The following CEP126 variants were observed in gnomAD, a reference collection of about 807,000 sequenced individuals.
CEP126 encodes centrosomal protein of 126 kDa.
A neutral mutation model predicts 107.8 loss-of-function variants in CEP126; 74 were observed. The observed-to-expected ratio is 0.69, with a 90% CI of 0.57 to 0.83. The LOEUF (loss-of-function observed/expected upper bound fraction) is 0.83, where lower values mean the gene tolerates loss of function less well. Among genes scored for constraint, CEP126 ranks in the 40% least tolerant of loss-of-function variants. The pLI, the probability that CEP126 is intolerant of heterozygous loss-of-function variation, is 0.00. For missense variants in CEP126, 1,237 were observed against 1,281.9 expected, an observed-to-expected ratio of 0.96 and a Z score of 0.53; for synonymous variants, 449 against 446.0, an observed-to-expected ratio of 1.01 and a Z score of -0.08.
At position 101,963,847 on chromosome 11, in the gene CEP126, C is replaced by G; in HGVS notation, c.2812C>G (p.Pro938Ala). Residue 938 changes from proline to alanine, a missense_variant, in exon 6 of 11, where the codon CCT becomes GCT. Physicochemically the swap from Pro to Ala is conservative, Grantham distance 27 (BLOSUM62 -1). Around this residue, in one of 3 missense-constraint regions of CEP126, gnomAD observed 1,134 missense variants for 1,150.5 expected, o/e 0.99. Coordinates refer to ENST00000263468, the MANE Select transcript of CEP126 (RefSeq NM_020802.4). ...EESVPLWKRG[P>A]NVLHQNKRAT... Reference sequence around the variant, plus strand: ...ATCAGTTCCCTTATGGAAAAGAGGTCCTAATGTCCTGCATCAAAATAAGAG... The same window carrying G: ...ATCAGTTCCCTTATGGAAAAGAGGTGCTAATGTCCTGCATCAAAATAAGAG... 1 of 1,610,436 alleles carries G rather than the reference C, an allele frequency of 6.2e-7. No individual in the cohort carries two copies. The highest frequency in any genetic ancestry group is 8.5e-7 in the Non-Finnish European group (1 of 1,178,724).
At chr11:101,956,534 C>T (rs1156862026) in intron 4 of CEP126, 4 of 456,286 alleles carry the variant, frequency 8.8e-6, no homozygotes, top group South Asian at 6.2e-5. Flanking sequence ...TTCTTCTTTG[C>T]CTTCATCTCC....
At chr11:101,977,837 G>T (rs1304058493) in intron 6 of CEP126, among the ~76,000 whole-genome samples, 2 of 152,026 alleles carry the variant, frequency 1.3e-5, no homozygotes, top group Non-Finnish European at 2.9e-5. Flanking sequence ...TTAGTACATT[G>T]CAGGAAGCTA....
intron 4 of CEP126, chr11:101,956,758 T>C (rs1263641284): frequency 2.2e-6 from 1 of 453,994 alleles, no homozygotes; most frequent in East Asian, 7.0e-5. Context: ...CTTCTTCCTT[T>C]ATGATTTCCT....
chr11:101,995,746 A>T (rs1455433022), intron 10 of CEP126, among the ~76,000 whole-genome samples: 4 of 152,198 alleles, frequency 2.6e-5, no homozygotes, highest in Non-Finnish European at 4.4e-5. Flanking sequence ...GTACTACATA[A>T]ATGTTGAATT....
chr11:101,940,761 A>G (rs1278539702), intron 2 of CEP126, among the ~76,000 whole-genome samples: 1 of 152,212 alleles, frequency 6.6e-6, no homozygotes, highest in African/African-American at 2.4e-5. Flanking sequence ...TCTTTTCAGC[A>G]TGGTGATCTC....
At chr11:101,941,908 T>C (rs895661055) in intron 2 of CEP126, among the ~76,000 whole-genome samples, 3 of 152,194 alleles carry the variant, frequency 2.0e-5, no homozygotes, top group Non-Finnish European at 2.9e-5. Context: ...TTAATGATGT[T>C]GAGCATCTTT....
At chr11:101,929,429 A>G (rs966687735) in intron 2 of CEP126, among the ~76,000 whole-genome samples, 1 of 152,204 alleles carries the variant, frequency 6.6e-6, no homozygotes, top group Admixed American at 6.5e-5. Flanking sequence ...GGTAGAAGCC[A>G]AGGTTCATCA....
At chr11:101,965,506 C>T (rs1453981856) in intron 6 of CEP126, among the ~76,000 whole-genome samples, 2 of 152,136 alleles carry the variant, frequency 1.3e-5, no homozygotes, top group Non-Finnish European at 2.9e-5. Flanking sequence ...ATCTAAAAAT[C>T]TTCATTACTT....
rs1291321171 is a variant in CEP126, at chr11:101,958,385, G to A, written c.705+19G>A. 1.3e-6 allele frequency: 2 copies of A among 1,597,428 alleles called. No homozygotes were observed. Among genetic ancestry groups the A allele is most frequent in the East Asian group, 2.2e-5 (1 of 44,774 alleles). On this transcript the variant is annotated intron_variant, in intron 5 of 10. Coordinates refer to ENST00000263468, the MANE Select transcript of CEP126 (RefSeq NM_020802.4). The stretch of plus-strand genomic sequence containing the variant: ...TTTGCAAGTATGAAACTATAAAAAT[G>A]TTGTTAATATTTTAATTCCTTGCAC...
In CEP126 at chr11:101,999,388, C is replaced by T. The variant is rs868251642; in HGVS notation, c.*1745C>T. 1 of 150,648 alleles carries T rather than the reference C, an allele frequency of 6.6e-6. No homozygotes were observed. Among genetic ancestry groups the T allele is most frequent in the East Asian group, 2.0e-4 (1 of 5,100 alleles). 9.3% of individuals were successfully genotyped at this position (150,648 alleles called of 1,614,324 possible). A position where few individuals can be genotyped will look rare whatever the true frequency, so the allele number is the denominator to read the frequency against. Reference sequence around the variant, plus strand: ...ATCCTGCATGCCAAAGTAGCTTCACCGTTAGTAATCCCTCACTTTAATACC... The same window carrying T: ...ATCCTGCATGCCAAAGTAGCTTCACTGTTAGTAATCCCTCACTTTAATACC... On this transcript the variant is annotated 3_prime_UTR_variant, in exon 11 of 11. Transcript: ENST00000263468.
At chr11:101,946,559 T>C (rs1212801922) in intron 3 of CEP126, among the ~76,000 whole-genome samples, 1 of 151,202 alleles carries the variant, frequency 6.6e-6, no homozygotes, top group Non-Finnish European at 1.5e-5. Flanking sequence ...GTTACTAATT[T>C]GATTGAAAGT....
chr11:101,945,477 C>G (rs1565355339), intron 3 of CEP126, among the ~76,000 whole-genome samples: 2 of 151,976 alleles, frequency 1.3e-5, no homozygotes, highest in Admixed American at 1.3e-4. Flanking sequence ...GTTTTTTTAA[C>G]AAGAAAGCAA....
At chr11:101,920,485 G>A (rs1050665510) in intron 1 of CEP126, among the ~76,000 whole-genome samples, 1 of 150,962 alleles carries the variant, frequency 6.6e-6, no homozygotes. Context: ...TTTTAAACAA[G>A]CTGTTTGTTC....
At chr11:101,936,746 T>C (rs1591273554) in intron 2 of CEP126, among the ~76,000 whole-genome samples, 1 of 152,158 alleles carries the variant, frequency 6.6e-6, no homozygotes, top group East Asian at 1.9e-4. Context: ...TCATTCCTAG[T>C]TTGCTGAGAA....
intron 5 of CEP126, among the ~76,000 whole-genome samples, chr11:101,960,240 C>A (rs1940953390): frequency 1.3e-5 from 2 of 151,768 alleles, no homozygotes; most frequent in African/African-American, 4.8e-5. Context: ...GGGAAAAAAT[C>A]TGAAGAAAAA....
rs1156319432 is a variant in CEP126, at chr11:101,962,010, A to T, written c.975A>T (p.Thr325=). The change falls in exon 6 of 11, where the codon ACA becomes ACT. Residue 325 remains threonine (T), a synonymous_variant. Transcript: ENST00000263468. The part of the protein sequence containing the change: ...NLDASNTQNV[T]AFSDILSKSN... ...ATGCTTCAAATACTCAGAATGTCAC[A>T]GCTTTCTCAGATATTTTAAGTAAAT... 1 of 1,612,914 alleles carries T rather than the reference A, an allele frequency of 6.2e-7. No homozygotes were observed. Among genetic ancestry groups the T allele is most frequent in the Non-Finnish European group, 8.5e-7 (1 of 1,179,440 alleles).
intron 1 of CEP126, among the ~76,000 whole-genome samples, chr11:101,918,364 C>T (rs560292060): frequency 6.6e-6 from 1 of 152,278 alleles, no homozygotes; most frequent in South Asian, 2.1e-4. Context: ...AGGAAGATTG[C>T]TTGAGACTGC....
At chr11:101,954,759 A>G (rs1218447129) in intron 4 of CEP126, among the ~76,000 whole-genome samples, 2 of 152,100 alleles carry the variant, frequency 1.3e-5, no homozygotes, top group Non-Finnish European at 2.9e-5. Context: ...ACAGATAACC[A>G]ATAATCTTAA....
Position 101,966,941 on chromosome 11 carries a change from C to T in CEP126, c.2845+3061C>T, listed in dbSNP as rs756645883. ...TTCTCCTCTCTTTTCCCTACTCTTA[C>T]TCCTACCATTCTTCTACCCTACTGG... On this transcript the variant is annotated intron_variant, in intron 6 of 10. Transcript: ENST00000263468. 1.7e-4 allele frequency among the ~76,000 whole-genome samples: 26 copies of T among 151,896 alleles called. 1 individual carries two copies. Among genetic ancestry groups the T allele is most frequent in the Non-Finnish European group, 2.9e-4 (20 of 67,988 alleles).
Sources: allele counts gnomAD v4.1 joint callset (sites outside exome capture counted in the v4.1 genomes callset), GRCh38; gene constraint gnomAD v4.1.1; regional missense constraint gnomAD v4.1.1; transcripts MANE v1.5; gene names NCBI Gene and HGNC (gene_info 2026-07-23, HGNC 2026-07-21).